The following CACNA2D3 variants were observed in gnomAD, a reference collection of about 807,000 sequenced individuals.
CACNA2D3 encodes the protein voltage-dependent calcium channel subunit alpha-2/delta-3.
Under a neutral mutation model 160.6 loss-of-function variants are expected in CACNA2D3, and 60 were observed. That is an observed-to-expected ratio of 0.37 (90% CI 0.30 to 0.46). The LOEUF is 0.46. CACNA2D3 is among the 20% of genes least tolerant of loss of function. The pLI is 1.00. For synonymous variants in CACNA2D3, 558 were observed against 492.9 expected (o/e 1.13, Z -1.75); for missense variants, 1,205 against 1,365.0 (o/e 0.88, Z 1.85).
At chr3:54,233,814 A>G (rs114634066) in intron 2 of CACNA2D3, among the ~76,000 whole-genome samples, 1,669 of 152,282 alleles carry the variant, frequency 0.011, 27 homozygotes, top group African/African-American at 0.036. Flanking sequence ...TTTATTTTCA[A>G]TTGTCTTGTA....
At chr3:54,443,594 T>C (rs908321450) in intron 4 of CACNA2D3, among the ~76,000 whole-genome samples, 2 of 152,174 alleles carry the variant, frequency 1.3e-5, no homozygotes, top group African/African-American at 4.8e-5. Flanking sequence ...GTCCACCAAG[T>C]GTTTTCCTGG....
chr3:54,216,304 C>T (rs1405193476), intron 2 of CACNA2D3, among the ~76,000 whole-genome samples: 1 of 152,192 alleles, frequency 6.6e-6, no homozygotes, highest in African/African-American at 2.4e-5. Flanking sequence ...AATCTTCTTG[C>T]AATAATACAC....
intron 2 of CACNA2D3, among the ~76,000 whole-genome samples, chr3:54,271,833 AC>A (rs1207460714): frequency 2.0e-5 from 3 of 151,536 alleles, no homozygotes; most frequent in Non-Finnish European, 4.4e-5. Context: ...GCTCCCAATC[AC>A]CTTTGATTTT....
At chr3:54,932,420 T>C (rs1249369249) in intron 27 of CACNA2D3, among the ~76,000 whole-genome samples, 2 of 152,132 alleles carry the variant, frequency 1.3e-5, no homozygotes, top group East Asian at 3.9e-4. Flanking sequence ...GCTGATTACT[T>C]GGAGGGGAGA....
chr3:54,634,979 G>C (rs1247349300), intron 10 of CACNA2D3, among the ~76,000 whole-genome samples: 1 of 152,000 alleles, frequency 6.6e-6, no homozygotes, highest in African/African-American at 2.4e-5. Context: ...TAGTGTTGAA[G>C]TGTTGGGGCG....
At chr3:54,914,062 G>A (rs1011038964) in intron 27 of CACNA2D3, among the ~76,000 whole-genome samples, 3 of 152,176 alleles carry the variant, frequency 2.0e-5, no homozygotes, top group South Asian at 2.1e-4. Flanking sequence ...AAAGAATGGT[G>A]AGGATCGTGT....
chr3:54,989,484 C>T (rs923009400), intron 31 of CACNA2D3, among the ~76,000 whole-genome samples: 4 of 152,192 alleles, frequency 2.6e-5, no homozygotes, highest in East Asian at 1.9e-4. Context: ...GCTTCTTTGA[C>T]GGGCCTCCTC....
At chr3:54,630,184 C>T (rs1486774191) in intron 10 of CACNA2D3, among the ~76,000 whole-genome samples, 1 of 152,088 alleles carries the variant, frequency 6.6e-6, no homozygotes, top group Non-Finnish European at 1.5e-5. Flanking sequence ...GACCTGGCTC[C>T]CTTTCAGCAG....
At chr3:54,507,228 G>T (rs7642042) in intron 5 of CACNA2D3, among the ~76,000 whole-genome samples, 150,919 of 152,260 alleles carry the variant, frequency 0.99, 74,811 homozygotes, top group Middle Eastern at 1. Context: ...CCATTGTAGT[G>T]TATTTCACTG....
At chr3:54,695,763 A>T (rs979449977) in intron 11 of CACNA2D3, among the ~76,000 whole-genome samples, 2 of 152,226 alleles carry the variant, frequency 1.3e-5, no homozygotes, top group Non-Finnish European at 2.9e-5. Flanking sequence ...TTTAAATTGA[A>T]GAGTACATCC....
At chr3:54,629,765 T>C (rs1313466628) in intron 10 of CACNA2D3, among the ~76,000 whole-genome samples, 2 of 152,180 alleles carry the variant, frequency 1.3e-5, no homozygotes, top group African/African-American at 2.4e-5. Context: ...AAAGACCTGT[T>C]ACAGTTTGAA....
intron 23 of CACNA2D3, among the ~76,000 whole-genome samples, chr3:54,886,664 A>G (rs1422094622): frequency 1.3e-5 from 2 of 152,068 alleles, no homozygotes; most frequent in East Asian, 3.9e-4. Flanking sequence ...GTATCTATAA[A>G]CAATATGTAG....
At chr3:54,223,086 T>C (rs35100472) in intron 2 of CACNA2D3, among the ~76,000 whole-genome samples, 37,204 of 152,122 alleles carry the variant, frequency 0.24, 4,686 homozygotes, top group South Asian at 0.3. Context: ...TATTTTATTC[T>C]TTTGATGCTT....
chr3:54,861,373 T>G (rs919633291), intron 17 of CACNA2D3, among the ~76,000 whole-genome samples: 1 of 152,074 alleles, frequency 6.6e-6, no homozygotes, highest in African/African-American at 2.4e-5. Flanking sequence ...GATGACATTT[T>G]CAGCAGCCAG....
chr3:54,793,507 A>G lies in CACNA2D3; in HGVS notation c.1381-23346A>G, dbSNP rs2106652847. Among the ~76,000 whole-genome samples the G allele has an allele frequency of 2.0e-5, 3 of 152,346 alleles. No individual in the cohort carries two copies. In the South Asian group the frequency reaches 6.2e-4, roughly 32 times the overall value. ...GGTTTGGCCTGTGTGGCCTCAGCAT[A>G]CCAAATCTTCATCTCAAATGTCTTT... On this transcript the variant is annotated intron_variant, in intron 13 of 37. Transcript: ENST00000474759.
intron 11 of CACNA2D3, among the ~76,000 whole-genome samples, chr3:54,704,665 G>A (rs999504929): frequency 2.0e-5 from 3 of 152,272 alleles, no homozygotes; most frequent in Middle Eastern, 3.4e-3. Flanking sequence ...TTAACAAGAG[G>A]TGTTTAGGCC....
chr3:54,700,871 G>A (rs1479449542), intron 11 of CACNA2D3, among the ~76,000 whole-genome samples: 1 of 152,180 alleles, frequency 6.6e-6, no homozygotes, highest in African/African-American at 2.4e-5. Context: ...TCTCAAAACT[G>A]TTCAGTGAAA....
chr3:54,165,801 AAAC>A (rs939365517), intron 2 of CACNA2D3, among the ~76,000 whole-genome samples: 2 of 152,022 alleles, frequency 1.3e-5, no homozygotes, highest in East Asian at 1.9e-4. Flanking sequence ...CTGTCTCTAA[AAAC>A]AACAACAACA....
intron 11 of CACNA2D3, among the ~76,000 whole-genome samples, chr3:54,666,892 A>G (rs556214799): frequency 6.6e-6 from 1 of 152,274 alleles, no homozygotes; most frequent in Non-Finnish European, 1.5e-5. Context: ...CTGGCTCGTC[A>G]CCTGGGGCAG....
Sources: allele counts gnomAD v4.1 joint callset (sites outside exome capture counted in the v4.1 genomes callset), GRCh38; gene constraint gnomAD v4.1.1; transcripts MANE v1.5; gene names NCBI Gene and HGNC (gene_info 2026-07-23, HGNC 2026-07-21).